The following PTPN13 variants were observed in gnomAD, a reference collection of about 807,000 sequenced individuals.
The protein encoded by PTPN13 is tyrosine-protein phosphatase non-receptor type 13.
Under a neutral mutation model 284.0 loss-of-function variants are expected in PTPN13, and 191 were observed. That is an observed-to-expected ratio of 0.67 (90% CI 0.60 to 0.76). The LOEUF is 0.76. Among genes scored for constraint, PTPN13 ranks in the 30% least tolerant of loss-of-function variants. The pLI is 0.00. For missense variants in PTPN13, 2,797 were observed against 2,939.9 expected (o/e 0.95, Z 1.12); for synonymous variants, 986 against 1,022.3 (o/e 0.96, Z 0.68).
chr4:86,727,780 AT>A (rs1210521753), intron 10 of PTPN13, among the ~76,000 whole-genome samples: 15 of 149,028 alleles, frequency 1.0e-4, no homozygotes, highest in African/African-American at 3.7e-4. Context: ...AAATTCATTG[AT>A]TTTTTTGAAG....
At chr4:86,647,532 A>T (rs941529682) in intron 2 of PTPN13, among the ~76,000 whole-genome samples, 7 of 151,776 alleles carry the variant, frequency 4.6e-5, no homozygotes, top group African/African-American at 1.4e-4. Context: ...AAACATTTTT[A>T]AAAATGAGAA....
intron 20 of PTPN13, among the ~76,000 whole-genome samples, chr4:86,757,040 A>G (rs1267198031): frequency 6.6e-6 from 1 of 152,192 alleles, no homozygotes; most frequent in African/African-American, 2.4e-5. Flanking sequence ...ACACAGACCA[A>G]TTTGAACTGT....
rs936286005 is a variant in PTPN13, at chr4:86,594,438, C to A, written c.-357C>A. ...TCCGCCTCGGCAGCGGTCAGAGTCG[C>A]CTACAGGAGTTGAGCCGCCCGCGCC... is the stretch of plus-strand genomic sequence containing the variant. On this transcript the variant is annotated 5_prime_UTR_variant, in exon 1 of 48. Coordinates refer to ENST00000411767, the MANE Select transcript of PTPN13 (RefSeq NM_080683.3). The A allele has an allele frequency of 6.6e-6, 1 of 152,444 alleles. No homozygotes were observed. The highest frequency in any genetic ancestry group is 2.4e-5 in the African/African-American group (1 of 41,458). 9.4% of individuals were successfully genotyped at this position (152,444 alleles called of 1,614,324 possible). A position where few individuals can be genotyped will look rare whatever the true frequency, so the allele number is the denominator to read the frequency against.
chr4:86,721,952 GCCCAGGCTGGTCTCGAACT>G (rs1733718620), intron 9 of PTPN13, among the ~76,000 whole-genome samples: 1 of 151,704 alleles, frequency 6.6e-6, no homozygotes, highest in Non-Finnish European at 1.5e-5. Flanking sequence ...TCACCATGTT[GCCCAGGCTGGTCTCGAACT>G]CCTGGACTCA....
intron 2 of PTPN13, among the ~76,000 whole-genome samples, chr4:86,638,249 C>T (rs1479641109): frequency 6.6e-6 from 1 of 152,140 alleles, no homozygotes; most frequent in African/African-American, 2.4e-5. Flanking sequence ...AATGGCCATA[C>T]TGCCCAAGGT....
chr4:86,767,210 G>A (rs1346189772), intron 27 of PTPN13, among the ~76,000 whole-genome samples: 1 of 150,112 alleles, frequency 6.7e-6, no homozygotes. Context: ...TGGGACTACA[G>A]TGGGACTACA....
intron 20 of PTPN13, among the ~76,000 whole-genome samples, chr4:86,755,524 T>C (rs753024374): frequency 6.6e-6 from 1 of 152,108 alleles, no homozygotes; most frequent in East Asian, 1.9e-4. Flanking sequence ...TGTTGCTTCC[T>C]GAAGTGTCCA....
intron 35 of PTPN13, among the ~76,000 whole-genome samples, chr4:86,778,908 A>AT (rs1408991873): frequency 1.3e-5 from 2 of 149,882 alleles, no homozygotes; most frequent in Admixed American, 6.7e-5. Flanking sequence ...ATTTTTTTTT[A>AT]TTTTTTTAAT....
In PTPN13 at chr4:86,637,241, A is replaced by G. The variant is rs1723132576; in HGVS notation, c.115+1870A>G. 2.6e-5 allele frequency among the ~76,000 whole-genome samples: 4 copies of G among 151,922 alleles called. No individual in the cohort carries two copies. The South Asian group carries it at 6.2e-4, about 24-fold the overall frequency. On this transcript the variant is annotated intron_variant, in intron 2 of 47. Transcript: ENST00000411767. ...CCAGATGGATTCACAGCCGAATTCT[A>G]CCAGAGGTACAAGGAGGAACTGGTA...
At chr4:86,639,761 A>G (rs1211576817) in intron 2 of PTPN13, among the ~76,000 whole-genome samples, 1 of 152,082 alleles carries the variant, frequency 6.6e-6, no homozygotes, top group Non-Finnish European at 1.5e-5. Context: ...GCACACCAGC[A>G]TGGCACTTGT....
At chr4:86,702,626 A>C (rs1041700738) in intron 7 of PTPN13, among the ~76,000 whole-genome samples, 3 of 152,208 alleles carry the variant, frequency 2.0e-5, no homozygotes, top group African/African-American at 7.2e-5. Context: ...CACAAAACTC[A>C]ATATGTTGAT....
Position 86,772,781 on chromosome 4 carries a change from T to A in PTPN13, c.5172T>A (p.Asn1724Lys). 1 of 1,603,116 alleles carries A rather than the reference T, an allele frequency of 6.2e-7. No homozygotes were observed. The highest frequency in any genetic ancestry group is 8.5e-7 in the Non-Finnish European group (1 of 1,176,432). ...IPNKPEFEDS[N>K]PSPLPPDMAP... ...TCTTACTTCTTTGTCTCTGTAGTAA[T>A]CCTTCCCCTCTACCACCGGATATGG... The change falls in exon 32 of 48, where the codon AAT (asparagine) becomes AAA (lysine). Residue 1724 changes from asparagine to lysine, a missense_variant. Coordinates refer to ENST00000411767, the MANE Select transcript of PTPN13 (RefSeq NM_080683.3).
intron 3 of PTPN13, among the ~76,000 whole-genome samples, chr4:86,685,703 T>C (rs1293079625): frequency 6.6e-6 from 1 of 152,104 alleles, no homozygotes; most frequent in African/African-American, 2.4e-5. Flanking sequence ...AATACCTCTA[T>C]GGAAAAGGTT....
intron 37 of PTPN13, among the ~76,000 whole-genome samples, chr4:86,782,655 A>ACTACCT (rs1354636901): frequency 1.3e-5 from 2 of 152,178 alleles, no homozygotes; most frequent in African/African-American, 4.8e-5. Context: ...TCAAGTTCAA[A>ACTACCT]TCTGTGCAAT....
At chr4:86,661,770 A>G (rs111384982) in intron 2 of PTPN13, among the ~76,000 whole-genome samples, 7,090 of 152,248 alleles carry the variant, frequency 0.047, 222 homozygotes, top group African/African-American at 0.061. Context: ...TTTTCATCCA[A>G]TTCTCCAAAA....
intron 6 of PTPN13, among the ~76,000 whole-genome samples, chr4:86,694,986 T>G (rs1578431782): frequency 6.6e-6 from 1 of 152,144 alleles, no homozygotes; most frequent in Admixed American, 6.5e-5. Flanking sequence ...GAAAAATAAA[T>G]GTAGACCTTG....
intron 7 of PTPN13, among the ~76,000 whole-genome samples, chr4:86,710,896 C>T (rs547599136): frequency 1.3e-5 from 2 of 151,978 alleles, no homozygotes; most frequent in East Asian, 3.9e-4. Context: ...ATCTGTATAA[C>T]TAGACTTCTG....
intron 8 of PTPN13, 133 bp downstream of exon 8, chr4:86,716,758 G>A (rs903219752): frequency 4.6e-5 from 34 of 741,870 alleles, no homozygotes; most frequent in South Asian, 2.9e-4. Context: ...TAAAAAAGCT[G>A]CTGGTTACTC....
rs367710798 is a variant in PTPN13, at chr4:86,746,300, A to C, written c.2650+1172A>C. Among the ~76,000 whole-genome samples the C allele has an allele frequency of 1.1e-3, 169 of 152,354 alleles. 5 individuals carry two copies. In the East Asian group the frequency reaches 0.014, roughly 12 times the overall value. ...ATACAAAATCTAATTCTACATAGTA[A>C]ATTCTTATAGGTATAAGTGAAACAG... is the stretch of plus-strand genomic sequence containing the variant. On this transcript the variant is annotated intron_variant, in intron 17 of 47. Transcript: ENST00000411767.
Sources: allele counts gnomAD v4.1 joint callset (sites outside exome capture counted in the v4.1 genomes callset), GRCh38; gene constraint gnomAD v4.1.1; transcripts MANE v1.5; gene names NCBI Gene and HGNC (gene_info 2026-07-23, HGNC 2026-07-21).